Variants in SOX10 observed in about 807,000 individuals in gnomAD.
SOX10 encodes the protein transcription factor SOX-10.
Under a neutral mutation model 35.0 loss-of-function variants are expected in SOX10, and 3 were observed. The observed-to-expected ratio is 0.09, with a 90% CI of 0.04 to 0.22. SOX10 has a LOEUF of 0.22. Ranked by LOEUF, SOX10 falls within the 10% of genes least tolerant of loss-of-function variation. The probability of loss-of-function intolerance (pLI) is 1.00; values close to 1 mark genes in which losing one functional copy is unlikely to be tolerated. For missense variants in SOX10, 436 were observed against 655.1 expected (o/e 0.67, Z 3.65); for synonymous variants, 285 against 291.0 (o/e 0.98, Z 0.21).
intron 2 of SOX10, among the ~76,000 whole-genome samples, chr22:37,981,100 CCA>C (rs1209805449): frequency 6.6e-6 from 1 of 152,220 alleles, no homozygotes; most frequent in Non-Finnish European, 1.5e-5. Context: ...GACCTGGGCT[CCA>C]GTGTGTCTGA....
Position 37,974,209 on chromosome 22 carries a change from G to A in SOX10, c.698-11C>T, listed in dbSNP as rs777938222. 1.9e-6 allele frequency: 3 copies of A among 1,592,466 alleles called. No individual in the cohort carries two copies. The highest frequency in any genetic ancestry group is 1.7e-5 in the Admixed American group (1 of 59,878). ...GGCCATGGCTCTGGCCTGGGTAGAA[G>A]GGAGACAGAGAGAGAGAGCGCAAGG... On this transcript the variant is annotated splice_polypyrimidine_tract_variant and intron_variant, in intron 3 of 3. Coordinates refer to ENST00000396884, the MANE Select transcript of SOX10 (RefSeq NM_006941.4). The surrounding 1 kb of genome is among the most constrained non-coding windows in gnomAD (Gnocchi z 5.4).
At chr22:37,977,384 G>A (rs1601881752) in intron 3 of SOX10, among the ~76,000 whole-genome samples, 1 of 150,856 alleles carries the variant, frequency 6.6e-6, no homozygotes, top group Non-Finnish European at 1.5e-5. Flanking sequence ...GCAGTGGCGC[G>A]ATCCCGGCTC....
Position 37,983,398 on chromosome 22 carries a change from C to T in SOX10, c.387G>A (p.Leu129=). The T allele has an allele frequency of 1.2e-6, 2 of 1,609,872 alleles. No individual in the cohort carries two copies. Residue 129 remains leucine, a synonymous_variant, in exon 2 of 4, where the codon CTG becomes CTA. Coordinates refer to ENST00000396884, the MANE Select transcript of SOX10 (RefSeq NM_006941.4). This position sits in a 1 kb window ranked among gnomAD's most constrained non-coding sequence, Gnocchi z 9.5. ...RRKLADQYPH[L]HNAELSKTLG... ...GCGTCTTGCTGAGCTCAGCGTTGTG[C>T]AGGTGCGGGTACTGGTCCGCGAGCT...
Position 37,973,483 on chromosome 22 carries a change from A to T in SOX10, c.*12T>A. 1 of 1,544,092 alleles carries T rather than the reference A, an allele frequency of 6.5e-7. No homozygotes were observed. Among genetic ancestry groups the T allele is most frequent in the South Asian group, 1.2e-5 (1 of 85,734 alleles). On this transcript the variant is annotated 3_prime_UTR_variant, in exon 4 of 4. Coordinates refer to ENST00000396884, the MANE Select transcript of SOX10 (RefSeq NM_006941.4). ...AGGGGCTGGGCGGGGGGTGGTGGCG[A>T]CAGGGCCCCCTTTAGGGCCGGGACA...
At chr22:37,979,971 C>T (rs1426137022) in intron 2 of SOX10, among the ~76,000 whole-genome samples, 1 of 151,920 alleles carries the variant, frequency 6.6e-6, no homozygotes, top group African/African-American at 2.4e-5. Flanking sequence ...CCTCCCCAGG[C>T]TGGGCGGGGG....
In SOX10 at chr22:37,983,606, T is replaced by A. The variant is rs1350814508; in HGVS notation, c.179A>T (p.Asp60Val). The stretch of plus-strand genomic sequence containing the variant: ...GAACTTGTCATCGTCCGCCTCGCCG[T>A]CCTGCTGCTCCTTCTTGACCTTGCC... ...ELGKVKKEQQ[D>V]GEADDDKFPV... is the part of the protein sequence containing the mutation. Residue 60 changes from aspartate (D) to valine (V), a missense_variant, in exon 2 of 4, where the codon GAC becomes GTC. Around this residue, in one of 3 missense-constraint regions of SOX10, gnomAD observed 97 missense variants for 95.5 expected, o/e 1.02. Transcript: ENST00000396884. This position sits in a 1 kb window ranked among gnomAD's most constrained non-coding sequence, Gnocchi z 9.5. The A allele has an allele frequency of 6.2e-7, 1 of 1,607,348 alleles. No homozygotes were observed. Among genetic ancestry groups the A allele is most frequent in the Admixed American group, 1.7e-5 (1 of 59,822 alleles).
rs1339116915 is a variant in SOX10 at position 37,978,448 on chromosome 22, C to G, written c.429-313G>C. Among the ~76,000 whole-genome samples the G allele has an allele frequency of 6.6e-6, 1 of 152,228 alleles. No individual in the cohort carries two copies. Among genetic ancestry groups the G allele is most frequent in the Non-Finnish European group, 1.5e-5 (1 of 68,040 alleles). ...AAGTAGGAGTAGAGGTTTCAAGGGG[C>G]AGATGCCAGTTCAAGGAAAGGAAAA... is the stretch of plus-strand genomic sequence containing the variant. On this transcript the variant is annotated intron_variant, in intron 2 of 3. Coordinates refer to ENST00000396884, the MANE Select transcript of SOX10 (RefSeq NM_006941.4). The surrounding 1 kb of genome is among the most constrained non-coding windows in gnomAD (Gnocchi z 5.0).
Position 37,973,995 on chromosome 22 carries a change from G to C in SOX10, c.901C>G (p.Leu301Val). The change falls in exon 4 of 4, where the codon CTG becomes GTG. Residue 301 changes from leucine (L) to valine (V), a missense_variant. Physicochemically the swap from Leu to Val is conservative, Grantham distance 32. Transcript: ENST00000396884. ...TGGCCTGGGTGCCCATTGGGCGGCA[G>C]GTACTGGTCCAACTCAGCCACATCA... The part of the protein sequence containing the change: ...TFDVAELDQY[L>V]PPNGHPGHVS... 1 of 1,613,296 alleles carries C rather than the reference G, an allele frequency of 6.2e-7. No homozygotes were observed. Among genetic ancestry groups the C allele is most frequent in the Non-Finnish European group, 8.5e-7 (1 of 1,179,958 alleles).
At position 37,973,619 on chromosome 22, in the gene SOX10, GAGA is replaced by G; in HGVS notation, c.1274_1276del (p.Phe425del). 6.2e-7 allele frequency: 1 copy of G among 1,613,660 alleles called. No homozygotes were observed. Among genetic ancestry groups the G allele is most frequent in the African/African-American group, 1.3e-5 (1 of 75,044 alleles). ...GGGCCGCTGCGAGGGCCCCATATAG[GAGA>G]AGGCCGAGTAGAGGCCAGAGGCCTG... On this transcript the variant is annotated inframe_deletion, in exon 4 of 4. Transcript: ENST00000396884.
rs553949889 is a variant in SOX10, at chr22:37,979,312, G to T, written c.429-1177C>A. Among the ~76,000 whole-genome samples, 176 of 152,078 alleles carry T rather than the reference G, an allele frequency of 1.2e-3. 3 individuals are homozygous for T. Among genetic ancestry groups the T allele is most frequent in the African/African-American group, 4.1e-3 (168 of 41,474 alleles). On this transcript the variant is annotated intron_variant, in intron 2 of 3. Transcript: ENST00000396884. ...GAGGTTTCACCATATTGGCCAGGCT[G>T]GTCTCCAACTCCTGACCTCAGGTGA...
chr22:37,981,320 G>C (rs1384567315), intron 2 of SOX10, among the ~76,000 whole-genome samples: 2 of 152,196 alleles, frequency 1.3e-5, no homozygotes, highest in Admixed American at 1.3e-4. Flanking sequence ...CCCCTCCAGG[G>C]TCCAGGGAGC....
Position 37,975,661 on chromosome 22 carries a change from A to C in SOX10, c.698-1463T>G, listed in dbSNP as rs1415121239. Among the ~76,000 whole-genome samples, 4 of 152,216 alleles carry C rather than the reference A, an allele frequency of 2.6e-5. No homozygotes were observed. The East Asian group carries it at 7.7e-4, about 29-fold the overall frequency. ...GCAGCGCCAAGTCCTGCATTGGCCA[A>C]GGGCTCTGTACTTCAAGAGACCTGC... On this transcript the variant is annotated intron_variant, in intron 3 of 3. Coordinates refer to ENST00000396884, the MANE Select transcript of SOX10 (RefSeq NM_006941.4).
In SOX10 at chr22:37,983,826, C is replaced by G. The variant is rs1932486953; in HGVS notation, c.-42G>C. Reference sequence around the variant, plus strand: ...GCCGCCGCCGCCTCGGCCGCCTCCCCCGGGCCAGCCGCCGGGGTCCTCGCA... The same window carrying G: ...GCCGCCGCCGCCTCGGCCGCCTCCCGCGGGCCAGCCGCCGGGGTCCTCGCA... On this transcript the variant is annotated 5_prime_UTR_variant, in exon 2 of 4. Transcript: ENST00000396884. This position sits in a 1 kb window ranked among gnomAD's most constrained non-coding sequence, Gnocchi z 9.5. 19 of 1,363,696 alleles carry G rather than the reference C, an allele frequency of 1.4e-5. No homozygotes were observed. In the South Asian group the frequency reaches 2.5e-4, roughly 18 times the overall value. The allele number at this position is 1,363,696 out of a possible 1,614,324, so 84.5% of individuals were successfully genotyped here. A position where few individuals can be genotyped will look rare whatever the true frequency, so the allele number is the denominator to read the frequency against.
chr22:37,983,822 T>A lies in SOX10; in HGVS notation c.-38A>T. On this transcript the variant is annotated 5_prime_UTR_variant, in exon 2 of 4. Coordinates refer to ENST00000396884, the MANE Select transcript of SOX10 (RefSeq NM_006941.4). The surrounding 1 kb of genome is among the most constrained non-coding windows in gnomAD (Gnocchi z 9.5). ...CGCCGCCGCCGCCGCCTCGGCCGCC[T>A]CCCCCGGGCCAGCCGCCGGGGTCCT... The A allele has an allele frequency of 7.2e-7, 1 of 1,381,744 alleles. No homozygotes were observed. The highest frequency in any genetic ancestry group is 9.4e-7 in the Non-Finnish European group (1 of 1,066,964). 85.6% of individuals were successfully genotyped at this position (1,381,744 alleles called of 1,614,324 possible).
chr22:37,979,685 C>T (rs1017896433), intron 2 of SOX10, among the ~76,000 whole-genome samples: 3 of 152,032 alleles, frequency 2.0e-5, no homozygotes, highest in Non-Finnish European at 4.4e-5. Context: ...AAGCCAGCGC[C>T]CTTGCCACCG....
Position 37,974,080 on chromosome 22 carries a change from G to A in SOX10, c.816C>T (p.Asp272=), listed in dbSNP as rs1932147525. The change falls in exon 4 of 4, where the codon GAC becomes GAT. Residue 272 remains aspartate, a synonymous_variant. Transcript: ENST00000396884. The surrounding 1 kb of genome is among the most constrained non-coding windows in gnomAD (Gnocchi z 5.4). ...SMGEGGKPHI[D]FGNVDIGEIS... ...TCTCACCAATGTCCACGTTGCCGAA[G>A]TCGATGTGAGGCTTCCCGCCCTCCC... 2 of 1,613,864 alleles carry A rather than the reference G, an allele frequency of 1.2e-6. No homozygotes were observed. Among genetic ancestry groups the A allele is most frequent in the Admixed American group, 3.3e-5 (2 of 60,008 alleles).
At position 37,981,909 on chromosome 22, in the gene SOX10, A is replaced by G. The variant is rs535321181; in HGVS notation, c.428+1448T>C. On this transcript the variant is annotated intron_variant, in intron 2 of 3. Coordinates refer to ENST00000396884, the MANE Select transcript of SOX10 (RefSeq NM_006941.4). ...GAGAAGGGGCAGGGGAAGGGGCACC[A>G]GGTCTTCAGCAAACACATGGCAAGA... Among the ~76,000 whole-genome samples, 13 of 152,236 alleles carry G rather than the reference A, an allele frequency of 8.5e-5. 1 individual carries two copies. In the South Asian group the frequency reaches 2.1e-3, roughly 24 times the overall value.
In SOX10 at chr22:37,978,785, T is replaced by C. The variant is rs1447276664; in HGVS notation, c.429-650A>G. On this transcript the variant is annotated intron_variant, in intron 2 of 3. Coordinates refer to ENST00000396884, the MANE Select transcript of SOX10 (RefSeq NM_006941.4). This position sits in a 1 kb window ranked among gnomAD's most constrained non-coding sequence, Gnocchi z 5.0. Reference sequence around the variant, plus strand: ...GAAGAGGTGCTTTTCTTTCTTTCTTTTTTTTTTCTGTGAGGGAATCTCACT... The same window carrying C: ...GAAGAGGTGCTTTTCTTTCTTTCTTCTTTTTTTCTGTGAGGGAATCTCACT... 6.6e-6 allele frequency among the ~76,000 whole-genome samples: 1 copy of C among 152,104 alleles called. No individual in the cohort carries two copies.
In SOX10 at chr22:37,980,311, G is replaced by T. The variant is rs1481784571; in HGVS notation, c.429-2176C>A. ...GTGGACCCCAACAGAGGGGCTTCTG[G>T]GATGGCTGGGGACATGGGACACAGA... is the stretch of plus-strand genomic sequence containing the variant. On this transcript the variant is annotated intron_variant, in intron 2 of 3. Transcript: ENST00000396884. This position sits in a 1 kb window ranked among gnomAD's most constrained non-coding sequence, Gnocchi z 4.1. Among the ~76,000 whole-genome samples the T allele has an allele frequency of 6.6e-6, 1 of 152,078 alleles. No homozygotes were observed. Among genetic ancestry groups the T allele is most frequent in the African/African-American group, 2.4e-5 (1 of 41,396 alleles).
Sources: allele counts gnomAD v4.1 joint callset (sites outside exome capture counted in the v4.1 genomes callset), GRCh38; gene constraint gnomAD v4.1.1; regional missense constraint gnomAD v4.1.1; non-coding constraint Gnocchi (gnomAD v3.1); transcripts MANE v1.5; gene names NCBI Gene and HGNC (gene_info 2026-07-23, HGNC 2026-07-21).